The following CTNNA3 variants were observed in gnomAD, a reference collection of about 807,000 sequenced individuals.
CTNNA3 encodes the protein catenin alpha 3, also known as catenin alpha-3.
In CTNNA3, 76 loss-of-function variants were observed where a neutral mutation model predicts 95.7. The observed-to-expected ratio is 0.79, with a 90% CI of 0.66 to 0.96. CTNNA3 has a LOEUF of 0.96. Among genes scored for constraint, CTNNA3 ranks in the 40% least tolerant of loss-of-function variants. CTNNA3 has a pLI of 0.00. For synonymous variants in CTNNA3, 431 were observed against 374.4 expected (o/e 1.15, Z -1.74); for missense variants, 1,191 against 1,089.8 (o/e 1.09, Z -1.31).
intron 9 of CTNNA3, among the ~76,000 whole-genome samples, chr10:66,669,110 T>A (rs1190180834): frequency 6.6e-6 from 1 of 152,174 alleles, no homozygotes; most frequent in Non-Finnish European, 1.5e-5. Context: ...GGAGAACGAA[T>A]TAAGCCTCAA....
intron 5 of CTNNA3, among the ~76,000 whole-genome samples, chr10:67,370,230 A>T (rs776284502): frequency 3.9e-5 from 6 of 152,174 alleles, no homozygotes; most frequent in Non-Finnish European, 7.4e-5. Flanking sequence ...ATGTGGAAAG[A>T]TCTCCACTTG....
chr10:67,727,988 T>C (rs1014601470), intron 1 of CTNNA3, among the ~76,000 whole-genome samples: 3 of 138,952 alleles, frequency 2.2e-5, no homozygotes, highest in Non-Finnish European at 4.6e-5. Flanking sequence ...AATACATATA[T>C]GTATACATGT....
At chr10:67,222,205 C>T (rs561291798) in intron 5 of CTNNA3, among the ~76,000 whole-genome samples, 1 of 152,320 alleles carries the variant, frequency 6.6e-6, no homozygotes, top group East Asian at 1.9e-4. Flanking sequence ...GAGAGATTAA[C>T]TTCGTTACAA....
intron 5 of CTNNA3, among the ~76,000 whole-genome samples, chr10:67,280,848 T>C (rs1022279048): frequency 6.6e-6 from 1 of 152,170 alleles, no homozygotes; most frequent in African/African-American, 2.4e-5. Flanking sequence ...GCTTCAACTG[T>C]CTGTCTGTTT....
At chr10:66,182,261 T>C (rs2086081452) in intron 13 of CTNNA3, among the ~76,000 whole-genome samples, 1 of 150,836 alleles carries the variant, frequency 6.6e-6, no homozygotes, top group Non-Finnish European at 1.5e-5. Flanking sequence ...CATTTCTTTT[T>C]TTTTTTTTTT....
At chr10:67,228,812 G>A (rs900429530) in intron 5 of CTNNA3, among the ~76,000 whole-genome samples, 4 of 152,030 alleles carry the variant, frequency 2.6e-5, no homozygotes, top group African/African-American at 4.8e-5. Flanking sequence ...AACAAGCAGC[G>A]AGATTGAAAT....
At chr10:67,235,568 A>G (rs1589066078) in intron 5 of CTNNA3, among the ~76,000 whole-genome samples, 1 of 147,204 alleles carries the variant, frequency 6.8e-6, no homozygotes, top group South Asian at 2.2e-4. Flanking sequence ...ACCCTAGAAG[A>G]AAACCTAGGC....
At chr10:66,352,611 AT>A (rs2092575464) in intron 12 of CTNNA3, among the ~76,000 whole-genome samples, 1 of 152,092 alleles carries the variant, frequency 6.6e-6, no homozygotes, top group Non-Finnish European at 1.5e-5. Context: ...AAATTGTGTC[AT>A]TAAATGTGGC....
At chr10:67,343,164 T>G (rs60647101) in intron 5 of CTNNA3, among the ~76,000 whole-genome samples, 2,718 of 152,306 alleles carry the variant, frequency 0.018, 87 homozygotes, top group African/African-American at 0.06. Flanking sequence ...TTGGCCAGGC[T>G]GGTCTCGAAC....
intron 10 of CTNNA3, among the ~76,000 whole-genome samples, chr10:66,574,378 T>A (rs942167583): frequency 6.6e-6 from 1 of 152,104 alleles, no homozygotes; most frequent in Non-Finnish European, 1.5e-5. Flanking sequence ...TTCTACCATG[T>A]TTTTGTAAAG....
In CTNNA3 at chr10:66,069,299, C is replaced by T; in HGVS notation, c.2159+9G>A. The T allele has an allele frequency of 6.2e-7, 1 of 1,611,534 alleles. No homozygotes were observed. The highest frequency in any genetic ancestry group is 8.5e-7 in the Non-Finnish European group (1 of 1,178,096). ...TATGAATATTACACATCGTTTTCCA[C>T]ATAATTACCTAGTGAAGTCTGTCAT... On this transcript the variant is annotated intron_variant, in intron 15 of 17. Transcript: ENST00000433211.
intron 7 of CTNNA3, among the ~76,000 whole-genome samples, chr10:67,049,464 G>T (rs1464984720): frequency 6.6e-6 from 1 of 151,978 alleles, no homozygotes; most frequent in East Asian, 1.9e-4. Flanking sequence ...ATATATCCTT[G>T]ACTCTAAGAA....
chr10:67,508,371 G>A (rs1839496103), intron 5 of CTNNA3, among the ~76,000 whole-genome samples: 1 of 152,180 alleles, frequency 6.6e-6, no homozygotes, highest in Non-Finnish European at 1.5e-5. Flanking sequence ...TTAGTGTTAT[G>A]CTCAATAGTG....
chr10:66,264,950 C>T (rs956329956), intron 13 of CTNNA3, among the ~76,000 whole-genome samples: 1 of 152,002 alleles, frequency 6.6e-6, no homozygotes, highest in African/African-American at 2.4e-5. Flanking sequence ...CAGGAAATAC[C>T]TGCTCCTAGA....
intron 7 of CTNNA3, among the ~76,000 whole-genome samples, chr10:67,167,558 T>C (rs1401077339): frequency 6.6e-6 from 1 of 152,232 alleles, no homozygotes; most frequent in Admixed American, 6.5e-5. Context: ...AGAAGAAAAG[T>C]ATTAAACTCT....
chr10:66,089,331 C>G (rs530241587), intron 14 of CTNNA3, among the ~76,000 whole-genome samples: 1 of 151,590 alleles, frequency 6.6e-6, no homozygotes, highest in East Asian at 1.9e-4. Flanking sequence ...ACCCAAACCT[C>G]TCCTCTCTTT....
At chr10:67,178,880 T>C (rs190595763) in intron 7 of CTNNA3, among the ~76,000 whole-genome samples, 90 of 152,094 alleles carry the variant, frequency 5.9e-4, no homozygotes, top group African/African-American at 2.0e-3. Context: ...ATGGGGATAT[T>C]CTAGCTTCAG....
intron 7 of CTNNA3, among the ~76,000 whole-genome samples, chr10:67,091,480 A>G (rs1857634938): frequency 6.6e-6 from 1 of 152,016 alleles, no homozygotes; most frequent in Non-Finnish European, 1.5e-5. Flanking sequence ...TGCTTCAGAC[A>G]TGACCACCCC....
chr10:67,290,311 G>T (rs1267376738), intron 5 of CTNNA3, among the ~76,000 whole-genome samples: 1 of 152,090 alleles, frequency 6.6e-6, no homozygotes, highest in African/African-American at 2.4e-5. Context: ...TATGTAAAGA[G>T]AATTTAAACA....
Sources: allele counts gnomAD v4.1 joint callset (sites outside exome capture counted in the v4.1 genomes callset), GRCh38; gene constraint gnomAD v4.1.1; transcripts MANE v1.5; gene names NCBI Gene and HGNC (gene_info 2026-07-23, HGNC 2026-07-21).